The following HSPB1 variants were observed in gnomAD, a reference collection of about 807,000 sequenced individuals.
HSPB1 encodes the protein heat shock protein family B (small) member 1.
A neutral mutation model predicts 17.0 loss-of-function variants in HSPB1; 19 were observed. That is an observed-to-expected ratio of 1.12 (90% CI 0.78 to 1.64). The LOEUF (loss-of-function observed/expected upper bound fraction) is 1.64, where lower values mean the gene tolerates loss of function less well. HSPB1 is among the 40% of genes most tolerant of loss of function. The pLI is 0.00. For missense variants in HSPB1, 348 were observed against 289.2 expected, an observed-to-expected ratio of 1.20 and a Z score of -1.47; for synonymous variants, 165 against 129.8, an observed-to-expected ratio of 1.27 and a Z score of -1.84.
In HSPB1 at chr7:76,303,418, C is replaced by A. The variant is rs146864654; in HGVS notation, c.364+342C>A. ...AGCAAACAAAAATTTTTTTAAAGATCATCGATGAAGAGAGAAAATGCGCTT... is the reference window on the plus strand; with the variant it reads ...AGCAAACAAAAATTTTTTTAAAGATAATCGATGAAGAGAGAAAATGCGCTT... On this transcript the variant is annotated intron_variant, in intron 1 of 2. Transcript: ENST00000248553. 1.7e-3 allele frequency: 798 copies of A among 459,754 alleles called. 22 individuals carry two copies. The South Asian group carries it at 0.022, about 13-fold the overall frequency. The allele number at this position is 459,754 out of a possible 1,614,324, so 28.5% of individuals were successfully genotyped here.
At chr7:76,303,371 CCCCGCG>C (rs1000666283) in intron 1 of HSPB1, 3 of 503,366 alleles carry the variant, frequency 6.0e-6, no homozygotes, top group Non-Finnish European at 1.0e-5. Context: ...CCCGCCCCGA[CCCCGCG>C]CCATTACAAA....
chr7:76,302,875 G>A lies in HSPB1; in HGVS notation c.163G>A (p.Val55Met), dbSNP rs1803021354. Residue 55 changes from valine to methionine, a missense_variant, in exon 1 of 3, where the codon GTG (valine) becomes ATG (methionine). By Grantham distance (21) the Val-to-Met change is conservative (BLOSUM62 1). Transcript: ENST00000248553. ...AGGCGGCAGCAGCTGGCCAGGCTAC[G>A]TGCGCCCCCTGCCCCCCGCCGCCAT... Reference protein sequence around the residue: ...WLGGSSWPGYVRPLPPAAIES... With the variant: ...WLGGSSWPGYMRPLPPAAIES... 6.4e-7 allele frequency: 1 copy of A among 1,574,500 alleles called. No homozygotes were observed. The highest frequency in any genetic ancestry group is 8.6e-7 in the Non-Finnish European group (1 of 1,165,526).
intron 1 of HSPB1, chr7:76,303,525 CT>C (rs1803046792): frequency 1.7e-6 from 1 of 577,610 alleles, no homozygotes; most frequent in Non-Finnish European, 3.1e-6. Flanking sequence ...TTTCTAGCCG[CT>C]GAGTGGGCGT....
rs1281150296 is a variant in HSPB1, at chr7:76,303,804, A to G, written c.367A>G (p.Lys123Glu). 2 of 1,610,098 alleles carry G rather than the reference A, an allele frequency of 1.2e-6. No homozygotes were observed. The change falls in exon 2 of 3, where the codon AAG becomes GAG. Residue 123 changes from lysine (K) to glutamate (E), a missense_variant and splice_region_variant. By Grantham distance (56) the Lys-to-Glu change is moderately conservative (BLOSUM62 1). Transcript: ENST00000248553. ...TGATTTCCCTCTTCCCCCCAAAGGC[A>G]AGCACGAGGAGCGGCAGGACGAGCA... Reference protein sequence around the residue: ...TKDGVVEITGKHEERQDEHGY... With the variant: ...TKDGVVEITGEHEERQDEHGY...
chr7:76,303,562 T>G (rs1803048780), intron 1 of HSPB1: 2 of 593,150 alleles, frequency 3.4e-6, no homozygotes, highest in East Asian at 2.8e-5. Context: ...TGCGCCTGCG[T>G]ACTGCTCACT....
chr7:76,303,223 C>T, intron 1 of HSPB1, 147 bp downstream of exon 1: 1 of 1,000,980 alleles, frequency 1.0e-6, no homozygotes, highest in Non-Finnish European at 1.4e-6. Flanking sequence ...GATTCCCTTG[C>T]TCAGGAATTG....
chr7:76,302,979 G>A lies in HSPB1; in HGVS notation c.267G>A (p.Arg89=), dbSNP rs3190199. Residue 89 remains arginine, a synonymous_variant, in exon 1 of 3, where the codon CGG becomes CGA. Coordinates refer to ENST00000248553, the MANE Select transcript of HSPB1 (RefSeq NM_001540.5). ...RQLSSGVSEI[R]HTADRWRVSL... ...TCAGCAGCGGGGTCTCGGAGATCCGGCACACTGCGGACCGCTGGCGCGTGT... is the reference window on the plus strand; with the variant it reads ...TCAGCAGCGGGGTCTCGGAGATCCGACACACTGCGGACCGCTGGCGCGTGT... The A allele has an allele frequency of 1.3e-6, 2 of 1,543,804 alleles. No individual in the cohort carries two copies. The highest frequency in any genetic ancestry group is 1.9e-5 in the Admixed American group (1 of 51,648).
chr7:76,303,122 C>A, intron 1 of HSPB1, 46 bp downstream of exon 1: 1 of 1,492,030 alleles, frequency 6.7e-7, no homozygotes. Context: ...GCTAGCAGGG[C>A]GGGCAGGGCC....
chr7:76,303,618 A>T (rs1350499397), intron 1 of HSPB1, 184 bp from the exon 2 acceptor site: 2 of 638,742 alleles, frequency 3.1e-6, no homozygotes, highest in African/African-American at 3.6e-5. Flanking sequence ...CTCTGAATCG[A>T]AGAACTTTCC....
At chr7:76,303,694 C>G (rs1169092640) in intron 1 of HSPB1, 108 bp from the exon 2 acceptor site, 2 of 873,686 alleles carry the variant, frequency 2.3e-6, no homozygotes, top group Non-Finnish European at 3.8e-6. Flanking sequence ...TTAATCCCTA[C>G]CAGCCTGCAG....
Position 76,304,226 on chromosome 7 carries a change from G to A in HSPB1, c.*53G>A, listed in dbSNP as rs569223316. The stretch of plus-strand genomic sequence containing the variant: ...TGCCGCCACTGGCTGTGCCTCCCCC[G>A]CCACCTGTGTGTTCTTTTGATACAT... On this transcript the variant is annotated 3_prime_UTR_variant, in exon 3 of 3. Coordinates refer to ENST00000248553, the MANE Select transcript of HSPB1 (RefSeq NM_001540.5). The A allele has an allele frequency of 1.2e-5, 18 of 1,480,902 alleles. No individual in the cohort carries two copies. The highest frequency in any genetic ancestry group is 7.1e-5 in the East Asian group (3 of 41,998). The allele number at this position is 1,480,902 out of a possible 1,614,324, so 91.7% of individuals were successfully genotyped here.
In HSPB1 at chr7:76,303,970, C is replaced by G. The variant is rs988213327; in HGVS notation, c.429-14C>G. ...GTGTAATGTAACGCTTGCCTTTCCT[C>G]TCTGCACGTCCAGGCTGCCCCCCGG... On this transcript the variant is annotated splice_polypyrimidine_tract_variant and intron_variant, in intron 2 of 2. Transcript: ENST00000248553. The G allele has an allele frequency of 6.2e-7, 1 of 1,613,490 alleles. No homozygotes were observed. Among genetic ancestry groups the G allele is most frequent in the South Asian group, 1.1e-5 (1 of 91,074 alleles).
chr7:76,303,779 T>C (rs913869625), intron 1 of HSPB1, 23 bp from the exon 2 acceptor site: 33 of 1,608,730 alleles, frequency 2.1e-5, no homozygotes, highest in Non-Finnish European at 2.7e-5. Flanking sequence ...CCCCGCAGTC[T>C]GATTTCCCTC....
In HSPB1 at chr7:76,303,793, C is replaced by A. The variant is rs1308007132; in HGVS notation, c.365-9C>A. 2.5e-6 allele frequency: 4 copies of A among 1,610,396 alleles called. No individual in the cohort carries two copies. Among genetic ancestry groups the A allele is most frequent in the East Asian group, 2.2e-5 (1 of 44,848 alleles). On this transcript the variant is annotated splice_polypyrimidine_tract_variant and intron_variant, in intron 1 of 2. Coordinates refer to ENST00000248553, the MANE Select transcript of HSPB1 (RefSeq NM_001540.5). The stretch of plus-strand genomic sequence containing the variant: ...CCCCCGCAGTCTGATTTCCCTCTTC[C>A]CCCCAAAGGCAAGCACGAGGAGCGG...
Position 76,303,176 on chromosome 7 carries a change from T to C in HSPB1, c.364+100T>C, listed in dbSNP as rs917543826. On this transcript the variant is annotated intron_variant, in intron 1 of 2. Transcript: ENST00000248553. ...CGGGGGTCCCGGGGGCCTGGGGAGTTAAACGTTGGCCCAGCACCGGGAAAA... is the reference window on the plus strand; with the variant it reads ...CGGGGGTCCCGGGGGCCTGGGGAGTCAAACGTTGGCCCAGCACCGGGAAAA... 5.0e-6 allele frequency: 7 copies of C among 1,390,870 alleles called. No homozygotes were observed. The African/African-American group carries it at 8.7e-5, about 17-fold the overall frequency. 86.2% of individuals were successfully genotyped at this position (1,390,870 alleles called of 1,614,324 possible).
chr7:76,303,745 G>T, intron 1 of HSPB1, 57 bp from the exon 2 acceptor site: 1 of 1,523,018 alleles, frequency 6.6e-7, no homozygotes, highest in Non-Finnish European at 9.1e-7. Context: ...CTCTGGCCTA[G>T]CGGGGCCGAA....
Position 76,303,358 on chromosome 7 carries a change from C to A in HSPB1, c.364+282C>A, listed in dbSNP as rs1038618761. 3 of 515,462 alleles carry A rather than the reference C, an allele frequency of 5.8e-6. No homozygotes were observed. In the East Asian group the frequency reaches 9.6e-5, roughly 16 times the overall value. The allele number at this position is 515,462 out of a possible 1,614,324, so 31.9% of individuals were successfully genotyped here. A position where few individuals can be genotyped will look rare whatever the true frequency, so the allele number is the denominator to read the frequency against. ...GCCTGGGCAACATAGCGAGACGCGC[C>A]CCCCCGCCCCGACCCCGCGCCATTA... On this transcript the variant is annotated intron_variant, in intron 1 of 2. Coordinates refer to ENST00000248553, the MANE Select transcript of HSPB1 (RefSeq NM_001540.5).
chr7:76,304,073 C>A lies in HSPB1; in HGVS notation c.518C>A (p.Ala173Asp). The change falls in exon 3 of 3, where the codon GCC becomes GAC. Residue 173 changes from alanine to aspartate, a missense_variant. Transcript: ENST00000248553. ...GTGGAGGCCCCCATGCCCAAGCTAG[C>A]CACGCAGTCCAACGAGATCACCATC... ...LTVEAPMPKL[A>D]TQSNEITIPV... 1 of 1,613,790 alleles carries A rather than the reference C, an allele frequency of 6.2e-7. No homozygotes were observed. Among genetic ancestry groups the A allele is most frequent in the Non-Finnish European group, 8.5e-7 (1 of 1,179,926 alleles).
In HSPB1 at chr7:76,302,759, G is replaced by A. The variant is rs973126266; in HGVS notation, c.47G>A (p.Trp16Ter). The change falls in exon 1 of 3, where the codon TGG (tryptophan) becomes TAG (stop). Residue 16 changes from tryptophan to a stop codon, truncating the protein, a stop_gained. Coordinates refer to ENST00000248553, the MANE Select transcript of HSPB1 (RefSeq NM_001540.5). LOFTEE classifies it high-confidence loss of function. ...TTCTCGCTCCTGCGGGGCCCCAGCT[G>A]GGACCCCTTCCGCGACTGGTACCCG... ...VPFSLLRGPS[W>*]DPFRDWYPHS... 6.8e-6 allele frequency: 11 copies of A among 1,607,246 alleles called. No homozygotes were observed. Among genetic ancestry groups the A allele is most frequent in the Non-Finnish European group, 9.3e-6 (11 of 1,179,742 alleles).
Sources: allele counts gnomAD v4.1 joint callset, GRCh38; gene constraint gnomAD v4.1.1; transcripts MANE v1.5; gene names NCBI Gene and HGNC (gene_info 2026-07-23, HGNC 2026-07-21).